Variants in TAF2 observed in about 807,000 individuals in gnomAD.
TAF2 encodes transcription initiation factor TFIID subunit 2.
TAF2 carries 61 observed loss-of-function variants against 138.5 expected under a neutral mutation model. That is an observed-to-expected ratio of 0.44 (90% CI 0.36 to 0.54). The LOEUF (loss-of-function observed/expected upper bound fraction) is 0.54, where lower values mean the gene tolerates loss of function less well. Among genes scored for constraint, TAF2 ranks in the 20% least tolerant of loss-of-function variants. The probability of loss-of-function intolerance (pLI) is 0.00; values close to 1 mark genes in which losing one functional copy is unlikely to be tolerated. For missense variants in TAF2, 1,090 were observed against 1,427.9 expected, an observed-to-expected ratio of 0.76 and a Z score of 3.81; for synonymous variants, 475 against 469.9, an observed-to-expected ratio of 1.01 and a Z score of -0.14.
In TAF2 at chr8:119,797,037, T is replaced by C. The variant is rs760601623; in HGVS notation, c.1044A>G (p.Gln348=). ...AACCAAAAAACTGCTGGGCCAAGGATTGGGCTAAACACCTTCTAGTCAAAG... is the reference window on the plus strand; with the variant it reads ...AACCAAAAAACTGCTGGGCCAAGGACTGGGCTAAACACCTTCTAGTCAAAG... ...ETPLTRRCLA[Q]SLAQQFFGCF... Residue 348 remains glutamine, a synonymous_variant, in exon 8 of 26, where the codon CAA becomes CAG. Coordinates refer to ENST00000378164, the MANE Select transcript of TAF2 (RefSeq NM_003184.4). The C allele has an allele frequency of 3.3e-5, 53 of 1,613,126 alleles. No homozygotes were observed. Among genetic ancestry groups the C allele is most frequent in the African/African-American group, 5.3e-5 (4 of 74,836 alleles).
chr8:119,731,561 A>G lies in TAF2; in HGVS notation c.*363T>C, dbSNP rs1415756912. On this transcript the variant is annotated 3_prime_UTR_variant, in exon 26 of 26. Coordinates refer to ENST00000378164, the MANE Select transcript of TAF2 (RefSeq NM_003184.4). ...TCTGTGTAAATCATAACTTTGCCCC[A>G]TAACATCCACCAAAGGCTTTCAAAC... 2 of 282,684 alleles carry G rather than the reference A, an allele frequency of 7.1e-6. No homozygotes were observed. Among genetic ancestry groups the G allele is most frequent in the African/African-American group, 4.4e-5 (2 of 45,682 alleles). 17.5% of individuals were successfully genotyped at this position (282,684 alleles called of 1,614,324 possible). A position where few individuals can be genotyped will look rare whatever the true frequency, so the allele number is the denominator to read the frequency against.
chr8:119,749,097 T>C (rs554363035), intron 22 of TAF2, among the ~76,000 whole-genome samples: 1 of 152,158 alleles, frequency 6.6e-6, no homozygotes, highest in Non-Finnish European at 1.5e-5. Context: ...CCTTAACATT[T>C]AAAAAATATA....
Position 119,731,794 on chromosome 8 carries a change from A to G in TAF2, c.*130T>C, listed in dbSNP as rs950830299. On this transcript the variant is annotated 3_prime_UTR_variant, in exon 26 of 26. Transcript: ENST00000378164. ...ACATAAATCAAATGCTTAGAACTTAAATGAATTCAGAATTTCTGTAGGAGA... is the reference window on the plus strand; with the variant it reads ...ACATAAATCAAATGCTTAGAACTTAGATGAATTCAGAATTTCTGTAGGAGA... 3.4e-5 allele frequency: 31 copies of G among 899,128 alleles called. No homozygotes were observed. The highest frequency in any genetic ancestry group is 1.7e-4 in the African/African-American group (10 of 60,002). The allele number at this position is 899,128 out of a possible 1,614,324, so 55.7% of individuals were successfully genotyped here. A position where few individuals can be genotyped will look rare whatever the true frequency, so the allele number is the denominator to read the frequency against.
Position 119,831,747 on chromosome 8 carries a change from T to A in TAF2, c.84-16A>T, listed in dbSNP as rs769815225. ...CTGATGGGTTGTATATTAATAAATA[T>A]AAAAAGAAAATAAGGAAAAAATAAT... On this transcript the variant is annotated splice_polypyrimidine_tract_variant and intron_variant, in intron 1 of 25. Transcript: ENST00000378164. The A allele has an allele frequency of 6.6e-7, 1 of 1,511,688 alleles. No homozygotes were observed. Among genetic ancestry groups the A allele is most frequent in the African/African-American group, 1.4e-5 (1 of 71,508 alleles). 93.6% of individuals were successfully genotyped at this position (1,511,688 alleles called of 1,614,324 possible).
intron 25 of TAF2, among the ~76,000 whole-genome samples, chr8:119,732,736 C>T (rs1368681957): frequency 2.0e-5 from 3 of 151,776 alleles, no homozygotes; most frequent in East Asian, 1.9e-4. Flanking sequence ...CCTGGGAGGC[C>T]GAGGTTGCAG....
At chr8:119,755,453 C>T (rs1186669964) in intron 22 of TAF2, among the ~76,000 whole-genome samples, 1 of 151,998 alleles carries the variant, frequency 6.6e-6, no homozygotes, top group African/African-American at 2.4e-5. Context: ...GCCGAGGCCA[C>T]ACCACTGCAC....
intron 14 of TAF2, among the ~76,000 whole-genome samples, chr8:119,787,533 A>C (rs1823106747): frequency 6.6e-6 from 1 of 152,236 alleles, no homozygotes; most frequent in African/African-American, 2.4e-5. Flanking sequence ...TCAAAACCAC[A>C]ATGAGATACC....
chr8:119,740,373 C>T (rs572656747), intron 25 of TAF2, among the ~76,000 whole-genome samples: 3 of 151,156 alleles, frequency 2.0e-5, no homozygotes, highest in Non-Finnish European at 3.0e-5. Flanking sequence ...AAAACAATGT[C>T]GCCAGGCCTG....
intron 2 of TAF2, among the ~76,000 whole-genome samples, chr8:119,821,918 G>C (rs1586542794): frequency 6.6e-6 from 1 of 152,094 alleles, no homozygotes; most frequent in South Asian, 2.1e-4. Flanking sequence ...TGTAGTTCCA[G>C]TTACTGGGGA....
At chr8:119,747,733 G>A (rs550389890) in intron 22 of TAF2, among the ~76,000 whole-genome samples, 3 of 152,102 alleles carry the variant, frequency 2.0e-5, no homozygotes, top group East Asian at 1.9e-4. Flanking sequence ...TGTCAGCTAG[G>A]GTTACACAAT....
chr8:119,734,919 T>A (rs1455804257), intron 25 of TAF2, among the ~76,000 whole-genome samples: 1 of 152,230 alleles, frequency 6.6e-6, no homozygotes, highest in African/African-American at 2.4e-5. Flanking sequence ...AAGAACATCT[T>A]AGTTTCTTCA....
intron 25 of TAF2, among the ~76,000 whole-genome samples, chr8:119,740,675 AAAAAG>A (rs913542261): frequency 7.0e-5 from 6 of 86,294 alleles, no homozygotes; most frequent in East Asian, 2.3e-4. Context: ...AAAAAAAAAA[AAAAAG>A]AAAAGAAAAG....
chr8:119,742,393 T>C (rs1181734779), intron 25 of TAF2, 141 bp downstream of exon 25: 3 of 998,662 alleles, frequency 3.0e-6, no homozygotes, highest in Non-Finnish European at 4.4e-6. Flanking sequence ...TTAGACAATA[T>C]AAGCTCAATG....
intron 11 of TAF2, 105 bp from the exon 12 acceptor site, chr8:119,789,851 A>C: frequency 8.8e-7 from 1 of 1,133,386 alleles, no homozygotes; most frequent in Non-Finnish European, 1.3e-6. Context: ...TATAGAAGAC[A>C]ATAATTTCAC....
chr8:119,831,728 G>A lies in TAF2; in HGVS notation c.87C>T (p.Thr29=). 2 of 1,576,580 alleles carry A rather than the reference G, an allele frequency of 1.3e-6. No individual in the cohort carries two copies. The highest frequency in any genetic ancestry group is 1.7e-6 in the Non-Finnish European group (2 of 1,158,058). Residue 29 remains threonine, a synonymous_variant, in exon 2 of 26, where the codon ACC becomes ACT. Coordinates refer to ENST00000378164, the MANE Select transcript of TAF2 (RefSeq NM_003184.4). ...TGTTGTTGATGCAGACGACCTGATG[G>A]GTTGTATATTAATAAATATAAAAAG... The part of the protein sequence containing the change: ...GFESPRPYKL[T]HQVVCINNIN...
intron 3 of TAF2, among the ~76,000 whole-genome samples, chr8:119,815,291 T>C (rs1244178958): frequency 6.6e-6 from 1 of 151,556 alleles, no homozygotes; most frequent in Non-Finnish European, 1.5e-5. Context: ...TTTTTTTTTT[T>C]TGAGAGGGAG....
At chr8:119,824,092 G>C (rs991494525) in intron 2 of TAF2, among the ~76,000 whole-genome samples, 1 of 152,260 alleles carries the variant, frequency 6.6e-6, no homozygotes, top group East Asian at 1.9e-4. Flanking sequence ...TATAATGAAA[G>C]TAGAGCATAA....
At chr8:119,738,045 A>T (rs1324725551) in intron 25 of TAF2, among the ~76,000 whole-genome samples, 1 of 151,902 alleles carries the variant, frequency 6.6e-6, no homozygotes, top group African/African-American at 2.4e-5. Context: ...ACTATAAACT[A>T]TAATTGCATA....
chr8:119,755,965 T>C, intron 22 of TAF2, 41 bp downstream of exon 22: 1 of 1,411,062 alleles, frequency 7.1e-7, no homozygotes, highest in Non-Finnish European at 1.0e-6. Flanking sequence ...ATCAAAATAC[T>C]CTAGTAATAA....
Sources: gnomAD v4.1 joint callset for allele counts (sites outside exome capture counted in the v4.1 genomes callset) on GRCh38, gnomAD v4.1.1 for gene constraint, MANE v1.5 for transcripts, NCBI Gene and HGNC (gene_info 2026-07-23, HGNC 2026-07-21) for gene names.